The following PLA2G4C variants were observed in gnomAD, a reference collection of about 807,000 sequenced individuals.
PLA2G4C encodes the protein cytosolic phospholipase A2 gamma.
In PLA2G4C, 64 loss-of-function variants were observed where a neutral mutation model predicts 73.8. That is an observed-to-expected ratio of 0.87 (90% CI 0.71 to 1.07). The LOEUF is 1.07. Ranked by LOEUF, PLA2G4C falls within the 50% of genes least tolerant of loss-of-function variation. PLA2G4C has a pLI of 0.00. For missense variants in PLA2G4C, 622 were observed against 665.4 expected (o/e 0.93, Z 0.72); for synonymous variants, 254 against 252.1 (o/e 1.01, Z -0.07).
At position 48,085,091 on chromosome 19, in the gene PLA2G4C, G is replaced by C. The variant is rs746201141; in HGVS notation, c.812C>G (p.Ala271Gly). The C allele has an allele frequency of 1.1e-5, 18 of 1,611,860 alleles. No homozygotes were observed. The highest frequency in any genetic ancestry group is 1.4e-5 in the Non-Finnish European group (17 of 1,178,068). Reference protein sequence around the residue: ...TLKGLWRRAVANAKSIGHLIF... With the variant: ...TLKGLWRRAVGNAKSIGHLIF... ...AAGGTGTCCAATGCTTTTAGCATTA[G>C]CAACAGCCCTTCTCCATAAACCTGC... The change falls in exon 10 of 17, where the codon GCT becomes GGT. Residue 271 changes from alanine (A) to glycine (G), a missense_variant. Coordinates refer to ENST00000599921, the MANE Select transcript of PLA2G4C (RefSeq NM_003706.3).
At chr19:48,075,475 A>G (rs6650754) in intron 11 of PLA2G4C, among the ~76,000 whole-genome samples, 3,086 of 152,012 alleles carry the variant, frequency 0.02, 106 homozygotes, top group African/African-American at 0.069. Context: ...GCATTGAGCT[A>G]TCATGCCTGG....
chr19:48,068,753 A>C (rs1968546097), intron 12 of PLA2G4C, among the ~76,000 whole-genome samples: 1 of 151,634 alleles, frequency 6.6e-6, no homozygotes, highest in Non-Finnish European at 1.5e-5. Context: ...AAAAAGAAAA[A>C]AAGGAAGACA....
rs1166313091 is a variant in PLA2G4C, at chr19:48,104,604, C to T, written c.241G>A (p.Val81Ile). 1.9e-6 allele frequency: 3 copies of T among 1,614,122 alleles called. No individual in the cohort carries two copies. The highest frequency in any genetic ancestry group is 1.3e-5 in the African/African-American group (1 of 75,042). Residue 81 changes from valine (V) to isoleucine (I), a missense_variant, in exon 4 of 17, where the codon GTC (valine) becomes ATC (isoleucine). Coordinates refer to ENST00000599921, the MANE Select transcript of PLA2G4C (RefSeq NM_003706.3). ...LLDAVTYLAG[V>I]SGSTWAISSL... ...GATGCTTACCAAGTGGATCCAGAGA[C>T]CCCTGCGAGGTACGTGACGGCATCC...
intron 13 of PLA2G4C, 119 bp from the exon 14 acceptor site, chr19:48,062,271 G>A (rs1968214832): frequency 1.2e-6 from 1 of 860,746 alleles, no homozygotes; most frequent in Non-Finnish European, 1.7e-6. Context: ...CAGCAGTTGT[G>A]AGGTTGCCAA....
chr19:48,107,968 T>C (rs534159116), intron 1 of PLA2G4C, among the ~76,000 whole-genome samples: 6 of 152,136 alleles, frequency 3.9e-5, no homozygotes, highest in Non-Finnish European at 8.8e-5. Context: ...TTATCAATCA[T>C]TGGAGATGAC....
chr19:48,075,902 T>G (rs1168308723), intron 11 of PLA2G4C, among the ~76,000 whole-genome samples: 1 of 152,224 alleles, frequency 6.6e-6, no homozygotes, highest in East Asian at 1.9e-4. Context: ...TGGAGATAGA[T>G]TCTCCTTCCA....
intron 1 of PLA2G4C, among the ~76,000 whole-genome samples, chr19:48,107,032 A>G (rs927619533): frequency 6.6e-6 from 1 of 152,166 alleles, no homozygotes. Flanking sequence ...TTTAGTAGAG[A>G]TGGGGTTTCT....
At position 48,097,839 on chromosome 19, in the gene PLA2G4C, C is replaced by T. The variant is rs536516460; in HGVS notation, c.568+300G>A. 29 of 304,992 alleles carry T rather than the reference C, an allele frequency of 9.5e-5. No individual in the cohort carries two copies. Among genetic ancestry groups the T allele is most frequent in the African/African-American group, 5.0e-4 (23 of 46,304 alleles). 18.9% of individuals were successfully genotyped at this position (304,992 alleles called of 1,614,324 possible). On this transcript the variant is annotated intron_variant, in intron 6 of 16. Transcript: ENST00000599921. ...TCACTATGTTGCCCAGGGTGGTCTC[C>T]AACTTCTGGTTTCAGGCGATCCTCC...
chr19:48,095,586 G>A lies in PLA2G4C; in HGVS notation c.587C>T (p.Thr196Ile). The change falls in exon 7 of 17, where the codon ACC becomes ATC. Residue 196 changes from threonine (T) to isoleucine (I), a missense_variant. Coordinates refer to ENST00000599921, the MANE Select transcript of PLA2G4C (RefSeq NM_003706.3). Reference sequence around the variant, plus strand: ...TGCAGAGAAGCCAGCGTGGTGAGGGGTGAACTCGAACCAGGTCTCTGCAGA... The same window carrying A: ...TGCAGAGAAGCCAGCGTGGTGAGGGATGAACTCGAACCAGGTCTCTGCAGA... ...ARAPETWFEFTPHHAGFSALG... is the reference protein window; with the variant it reads ...ARAPETWFEFIPHHAGFSALG... 3.7e-6 allele frequency: 6 copies of A among 1,614,134 alleles called. No homozygotes were observed. Among genetic ancestry groups the A allele is most frequent in the Non-Finnish European group, 5.1e-6 (6 of 1,180,004 alleles).
In PLA2G4C at chr19:48,100,830, C is replaced by T. The variant is rs1390602839; in HGVS notation, c.258-970G>A. ...TCGAGAGGCTGAGGCAGGAGAATGG[C>T]GTGAACCCGGGAGGCTGAGCTTGCA... On this transcript the variant is annotated intron_variant, in intron 4 of 16. Transcript: ENST00000599921. 4.7e-5 allele frequency among the ~76,000 whole-genome samples: 7 copies of T among 148,378 alleles called. No homozygotes were observed. The South Asian group carries it at 8.5e-4, about 18-fold the overall frequency.
At chr19:48,067,441 T>C (rs960832308) in intron 13 of PLA2G4C, among the ~76,000 whole-genome samples, 1 of 152,170 alleles carries the variant, frequency 6.6e-6, no homozygotes, top group Non-Finnish European at 1.5e-5. Context: ...GTGCTGGGAT[T>C]ACAGGCATGA....
chr19:48,076,359 C>T (rs559011124), intron 11 of PLA2G4C, among the ~76,000 whole-genome samples: 1 of 152,268 alleles, frequency 6.6e-6, no homozygotes, highest in South Asian at 2.1e-4. Flanking sequence ...ACTTCCAGGC[C>T]TGGCTACAAA....
chr19:48,067,872 A>G lies in PLA2G4C; in HGVS notation c.1021T>C (p.Leu341=). The change falls in exon 13 of 17, where the codon TTG becomes CTG. Residue 341 remains leucine (L), a synonymous_variant. Coordinates refer to ENST00000599921, the MANE Select transcript of PLA2G4C (RefSeq NM_003706.3). The part of the protein sequence containing the change: ...DPERKGSLSN[L]MDFVKKTGIC... ...CCTGTTTTCTTCACAAAATCCATCA[A>G]GTTACTGAGTGAGCCTAGGGAAAGA... is the stretch of plus-strand genomic sequence containing the variant. 1.9e-6 allele frequency: 3 copies of G among 1,613,026 alleles called. No individual in the cohort carries two copies. Among genetic ancestry groups the G allele is most frequent in the Non-Finnish European group, 8.5e-7 (1 of 1,178,986 alleles).
chr19:48,105,082 CAAAAAAA>C (rs3083068), intron 3 of PLA2G4C, among the ~76,000 whole-genome samples: 23 of 87,602 alleles, frequency 2.6e-4, no homozygotes, highest in East Asian at 1.1e-3. Flanking sequence ...GACGTTGTCT[CAAAAAAA>C]AAAAAAAAAA....
intron 11 of PLA2G4C, among the ~76,000 whole-genome samples, chr19:48,076,572 G>A (rs139599901): frequency 5.1e-4 from 77 of 152,052 alleles, no homozygotes; most frequent in Non-Finnish European, 1.0e-3. Context: ...GTGAAAACTC[G>A]TCTCTACTAA....
intron 14 of PLA2G4C, among the ~76,000 whole-genome samples, chr19:48,056,559 C>T (rs538198398): frequency 6.7e-6 from 1 of 149,184 alleles, no homozygotes; most frequent in Non-Finnish European, 1.5e-5. Context: ...GGCATGGTGG[C>T]TCATGGCTCA....
At chr19:48,086,290 G>T (rs2030972545) in intron 9 of PLA2G4C, among the ~76,000 whole-genome samples, 4 of 152,110 alleles carry the variant, frequency 2.6e-5, no homozygotes, top group African/African-American at 7.2e-5. Flanking sequence ...GGGTGGGAGG[G>T]GATCTGCCTC....
intron 4 of PLA2G4C, 88 bp from the exon 5 acceptor site, chr19:48,099,948 A>G: frequency 1.2e-6 from 1 of 832,124 alleles, no homozygotes; most frequent in Non-Finnish European, 1.9e-6. Flanking sequence ...GGTCCTTCAC[A>G]GGAACACCTG....
chr19:48,105,941 CCCTCCCTTCTTT>C (rs1568457652), intron 2 of PLA2G4C, among the ~76,000 whole-genome samples: 4 of 9,906 alleles, frequency 4.0e-4, no homozygotes, highest in Non-Finnish European at 4.6e-4. Flanking sequence ...CTCCCTCCCT[CCCTCCCTTCTTT>C]CTTTCTTTCT....
Sources: gnomAD v4.1 joint callset for allele counts (sites outside exome capture counted in the v4.1 genomes callset) on GRCh38, gnomAD v4.1.1 for gene constraint, MANE v1.5 for transcripts, NCBI Gene and HGNC (gene_info 2026-07-23, HGNC 2026-07-21) for gene names.